ACBD6: variants seen among roughly 807,000 people sequenced by gnomAD.
The protein encoded by ACBD6 is acyl-CoA binding domain containing 6.
Under a neutral mutation model 37.2 loss-of-function variants are expected in ACBD6, and 28 were observed. That is an observed-to-expected ratio of 0.75 (90% CI 0.56 to 1.03). The LOEUF is 1.03. Among genes scored for constraint, ACBD6 ranks in the 50% least tolerant of loss-of-function variants. The pLI, the probability that ACBD6 is intolerant of heterozygous loss-of-function variation, is 0.00. For missense variants in ACBD6, 340 were observed against 337.4 expected, an observed-to-expected ratio of 1.01 and a Z score of -0.06; for synonymous variants, 113 against 126.8, an observed-to-expected ratio of 0.89 and a Z score of 0.73.
chr1:180,315,732 A>C (rs1196332214), intron 6 of ACBD6, among the ~76,000 whole-genome samples: 1 of 152,154 alleles, frequency 6.6e-6, no homozygotes, highest in Non-Finnish European at 1.5e-5. Context: ...TTTATGGTTC[A>C]GATAGGTAGT....
intron 3 of ACBD6, among the ~76,000 whole-genome samples, chr1:180,475,754 T>C (rs1650753982): frequency 1.3e-5 from 2 of 152,310 alleles, no homozygotes; most frequent in African/African-American, 4.8e-5. Context: ...CCTTCTCCTG[T>C]TGATGGAAAT....
At chr1:180,474,506 G>T (rs761619773) in intron 3 of ACBD6, among the ~76,000 whole-genome samples, 1 of 152,008 alleles carries the variant, frequency 6.6e-6, no homozygotes, top group Non-Finnish European at 1.5e-5. Flanking sequence ...AATAATTCAG[G>T]TATCTAAGTT....
At chr1:180,319,633 C>G (rs897396876) in intron 6 of ACBD6, among the ~76,000 whole-genome samples, 3 of 152,088 alleles carry the variant, frequency 2.0e-5, no homozygotes, top group African/African-American at 7.2e-5. Context: ...ATTAACCATC[C>G]CACTTCTCCC....
chr1:180,364,159 A>G (rs1337627258), intron 6 of ACBD6, among the ~76,000 whole-genome samples: 1 of 152,232 alleles, frequency 6.6e-6, no homozygotes, highest in African/African-American at 2.4e-5. Context: ...GGCTAATATA[A>G]TATCTACATC....
chr1:180,409,274 T>G (rs986445905), intron 5 of ACBD6, among the ~76,000 whole-genome samples: 2 of 152,130 alleles, frequency 1.3e-5, no homozygotes, highest in Admixed American at 6.5e-5. Flanking sequence ...TGTATTAACT[T>G]TATAAAAATT....
intron 3 of ACBD6, among the ~76,000 whole-genome samples, chr1:180,468,929 C>G (rs973930171): frequency 2.0e-5 from 3 of 152,134 alleles, no homozygotes; most frequent in Non-Finnish European, 4.4e-5. Flanking sequence ...TCCATATGTC[C>G]TCAACTTGTG....
At chr1:180,494,603 T>C (rs748562567) in intron 2 of ACBD6, among the ~76,000 whole-genome samples, 1 of 152,194 alleles carries the variant, frequency 6.6e-6, no homozygotes, top group South Asian at 2.1e-4. Context: ...AGGAAATGTA[T>C]CCAGGGGACC....
intron 6 of ACBD6, among the ~76,000 whole-genome samples, chr1:180,368,868 C>CTG (rs1653149804): frequency 6.6e-6 from 1 of 152,104 alleles, no homozygotes; most frequent in East Asian, 1.9e-4. Flanking sequence ...TCTTATTATG[C>CTG]TGTATCACAG....
intron 6 of ACBD6, among the ~76,000 whole-genome samples, chr1:180,321,965 T>C (rs1651091288): frequency 6.6e-6 from 1 of 152,110 alleles, no homozygotes; most frequent in Non-Finnish European, 1.5e-5. Context: ...TTACAGTTTT[T>C]CCCCATTCAC....
chr1:180,321,673 T>TA (rs970270955), intron 6 of ACBD6, among the ~76,000 whole-genome samples: 1 of 151,372 alleles, frequency 6.6e-6, no homozygotes, highest in African/African-American at 2.4e-5. Flanking sequence ...GTCTCAAAAA[T>TA]AAAAAAAAAG....
At chr1:180,464,109 C>G (rs1378655543) in intron 3 of ACBD6, among the ~76,000 whole-genome samples, 2 of 152,120 alleles carry the variant, frequency 1.3e-5, no homozygotes, top group Non-Finnish European at 2.9e-5. Context: ...ACTAACTGGG[C>G]AAAAGCTGGA....
At chr1:180,472,177 C>T (rs1439889646) in intron 3 of ACBD6, among the ~76,000 whole-genome samples, 3 of 152,188 alleles carry the variant, frequency 2.0e-5, no homozygotes, top group Non-Finnish European at 4.4e-5. Context: ...TGTCAAACCC[C>T]TCCTTTAAGT....
At chr1:180,493,761 A>G (rs1299608091) in intron 2 of ACBD6, among the ~76,000 whole-genome samples, 1 of 151,980 alleles carries the variant, frequency 6.6e-6, no homozygotes, top group African/African-American at 2.4e-5. Flanking sequence ...CCAGGAACCA[A>G]TCAAGATCCA....
intron 3 of ACBD6, among the ~76,000 whole-genome samples, chr1:180,474,575 T>C (rs1201775525): frequency 6.6e-6 from 1 of 152,214 alleles, no homozygotes; most frequent in Non-Finnish European, 1.5e-5. Flanking sequence ...CTGGGTTACT[T>C]AACCTCTCTG....
intron 4 of ACBD6, among the ~76,000 whole-genome samples, chr1:180,424,301 A>G (rs534912106): frequency 7.2e-5 from 11 of 152,226 alleles, no homozygotes; most frequent in Non-Finnish European, 1.6e-4. Context: ...TACATATAGT[A>G]TGGTTACTAT....
intron 3 of ACBD6, among the ~76,000 whole-genome samples, chr1:180,474,303 T>C (rs914633142): frequency 1.3e-5 from 2 of 152,148 alleles, no homozygotes; most frequent in African/African-American, 4.8e-5. Flanking sequence ...ATGAGAGGTA[T>C]ATTAGAATAG....
At chr1:180,330,966 A>T (rs2149300385) in intron 6 of ACBD6, among the ~76,000 whole-genome samples, 1 of 152,372 alleles carries the variant, frequency 6.6e-6, no homozygotes, top group South Asian at 2.1e-4. Flanking sequence ...CAAATTTGCC[A>T]TCAGGGTAGT....
intron 3 of ACBD6, among the ~76,000 whole-genome samples, chr1:180,485,477 G>A (rs547012812): frequency 1.3e-5 from 2 of 152,284 alleles, no homozygotes; most frequent in East Asian, 3.9e-4. Flanking sequence ...AGGGAGATTT[G>A]GATATAGAAA....
At chr1:180,366,714 G>T (rs945187187) in intron 6 of ACBD6, among the ~76,000 whole-genome samples, 1 of 152,096 alleles carries the variant, frequency 6.6e-6, no homozygotes, top group African/African-American at 2.4e-5. Context: ...TTGTGAATAG[G>T]AATATGGGTT....
Sources: gnomAD v4.1 joint callset for allele counts (sites outside exome capture counted in the v4.1 genomes callset) on GRCh38, gnomAD v4.1.1 for gene constraint, MANE v1.5 for transcripts, NCBI Gene and HGNC (gene_info 2026-07-23, HGNC 2026-07-21) for gene names.